SEMA3A: variants seen among roughly 807,000 people sequenced by gnomAD.
SEMA3A encodes the protein semaphorin-3A.
SEMA3A carries 29 observed loss-of-function variants against 97.9 expected under a neutral mutation model. The ratio of observed to expected loss-of-function variants is 0.30; its 90% CI spans 0.22 to 0.40. The LOEUF (loss-of-function observed/expected upper bound fraction) is 0.40. Among genes scored for constraint, SEMA3A ranks in the 10% least tolerant of loss-of-function variants. The pLI is 1.00. For missense variants in SEMA3A, 763 were observed against 951.3 expected (o/e 0.80, Z 2.60); for synonymous variants, 321 against 323.7 (o/e 0.99, Z 0.09).
At chr7:83,970,934 C>A (rs1230960493) in intron 15 of SEMA3A, among the ~76,000 whole-genome samples, 1 of 152,180 alleles carries the variant, frequency 6.6e-6, no homozygotes, top group Admixed American at 6.5e-5. Flanking sequence ...TCTCATTGGA[C>A]TCTACATGAT....
chr7:84,257,397 G>A (rs1799741204), intron 3 of SEMA3A, among the ~76,000 whole-genome samples: 1 of 151,828 alleles, frequency 6.6e-6, no homozygotes, highest in African/African-American at 2.4e-5. Context: ...TTTTCCCCAG[G>A]AGATTAGGAA....
chr7:84,174,216 G>A lies in SEMA3A; in HGVS notation c.112+20259C>T, dbSNP rs371870500. Among the ~76,000 whole-genome samples, 32 of 152,146 alleles carry A rather than the reference G, an allele frequency of 2.1e-4. 2 individuals carry two copies. The highest frequency in any genetic ancestry group is 7.7e-4 in the African/African-American group (32 of 41,508). ...ATCCCAAAACCGTTCCCCTCCACCA[G>A]CCAATCCCAGTCTGTGGACAAATTA... On this transcript the variant is annotated intron_variant, in intron 1 of 16. Coordinates refer to ENST00000265362, the MANE Select transcript of SEMA3A (RefSeq NM_006080.3).
At chr7:84,396,033 G>A (rs1447949586) in intron 1 of SEMA3A, among the ~76,000 whole-genome samples, 1 of 151,970 alleles carries the variant, frequency 6.6e-6, no homozygotes, top group Non-Finnish European at 1.5e-5. Context: ...AAATATTCAG[G>A]AGATAATTCA....
intron 2 of SEMA3A, among the ~76,000 whole-genome samples, chr7:84,369,268 C>T (rs1393679398): frequency 2.0e-5 from 3 of 150,878 alleles, no homozygotes; most frequent in Non-Finnish European, 3.0e-5. Flanking sequence ...ATCCCTAATA[C>T]ACCAAAGTGC....
In SEMA3A at chr7:83,961,421, CTT is replaced by C; in HGVS notation, c.2264_2265del (p.Lys755ArgfsTer2). The C allele has an allele frequency of 1.2e-6, 2 of 1,614,078 alleles. No individual in the cohort carries two copies. On this transcript the variant is annotated frameshift_variant, in exon 17 of 17. Coordinates refer to ENST00000265362, the MANE Select transcript of SEMA3A (RefSeq NM_006080.3). LOFTEE classifies it high-confidence loss of function. Reference sequence around the variant, plus strand: ...AATTCGTGGGTCCTCCTGTTTCTACCTTTCTTATTTTCTTGTAAGTGCTTCCA... The same window carrying C: ...AATTCGTGGGTCCTCCTGTTTCTACCTCTTATTTTCTTGTAAGTGCTTCCA... ...NKWKHLQENKKGRNRRTHEFE... is the reference protein window; with the variant it reads ...NKWKHLQENKXGRNRRTHEFE...
chr7:84,022,358 A>G (rs962264116), intron 6 of SEMA3A, among the ~76,000 whole-genome samples: 1 of 152,190 alleles, frequency 6.6e-6, no homozygotes, highest in Non-Finnish European at 1.5e-5. Context: ...GCAAGCAGAA[A>G]TGAAAAACTC....
At chr7:84,466,250 G>T (rs1805993836) in intron 1 of SEMA3A, among the ~76,000 whole-genome samples, 1 of 152,052 alleles carries the variant, frequency 6.6e-6, no homozygotes, top group African/African-American at 2.4e-5. Flanking sequence ...TCAGCTCACT[G>T]CAACCTCCGC....
intron 1 of SEMA3A, among the ~76,000 whole-genome samples, chr7:84,446,692 G>C (rs1336847470): frequency 1.3e-5 from 2 of 152,152 alleles, no homozygotes; most frequent in Non-Finnish European, 2.9e-5. Flanking sequence ...AGCACTCAAG[G>C]AATATCATAG....
At chr7:84,398,350 C>T (rs1803795472) in intron 1 of SEMA3A, among the ~76,000 whole-genome samples, 1 of 151,878 alleles carries the variant, frequency 6.6e-6, no homozygotes, top group Non-Finnish European at 1.5e-5. Context: ...AGTTTTTGTC[C>T]TGATTAATAT....
intron 3 of SEMA3A, among the ~76,000 whole-genome samples, chr7:84,274,799 G>A (rs1297764501): frequency 6.6e-6 from 1 of 151,902 alleles, no homozygotes; most frequent in East Asian, 1.9e-4. Context: ...CTTATATTGA[G>A]ACAACTGAAA....
At chr7:84,062,100 A>T (rs1299128587) in intron 4 of SEMA3A, among the ~76,000 whole-genome samples, 1 of 152,208 alleles carries the variant, frequency 6.6e-6, no homozygotes, top group African/African-American at 2.4e-5. Flanking sequence ...ACATTTTAAA[A>T]GCAGCAAAAT....
chr7:84,002,446 C>T (rs139063537), intron 11 of SEMA3A, among the ~76,000 whole-genome samples: 152 of 152,164 alleles, frequency 1.0e-3, no homozygotes, highest in African/African-American at 3.1e-3. Flanking sequence ...CTAAAAATAA[C>T]GTCAGTTTGT....
rs561597677 is a variant in SEMA3A, at chr7:84,356,342, T to G, written c.-169+15482A>C. On this transcript the variant is annotated intron_variant, in intron 2 of 3. Coordinates refer to the SEMA3A transcript ENST00000424555. ...TAAATGCAAATTAATTTTACTTTTTTTAAAGTATATCCAATAATGAAATCC... is the reference window on the plus strand; with the variant it reads ...TAAATGCAAATTAATTTTACTTTTTGTAAAGTATATCCAATAATGAAATCC... 4.6e-5 allele frequency among the ~76,000 whole-genome samples: 7 copies of G among 151,794 alleles called. No individual in the cohort carries two copies. The East Asian group carries it at 9.7e-4, about 21-fold the overall frequency.
intron 3 of SEMA3A, among the ~76,000 whole-genome samples, chr7:84,122,133 C>T (rs1327838605): frequency 6.6e-6 from 1 of 151,648 alleles, no homozygotes; most frequent in Non-Finnish European, 1.5e-5. Flanking sequence ...TTTACAGTCC[C>T]ACCAACAGTG....
intron 1 of SEMA3A, among the ~76,000 whole-genome samples, chr7:84,143,200 C>T (rs1796349081): frequency 6.6e-6 from 1 of 152,096 alleles, no homozygotes; most frequent in African/African-American, 2.4e-5. Flanking sequence ...CTACAAAACA[C>T]ATGCACTTTC....
chr7:84,488,312 G>GTA (rs1491213434), intron 1 of SEMA3A, among the ~76,000 whole-genome samples: 7 of 74,528 alleles, frequency 9.4e-5, no homozygotes, highest in Non-Finnish European at 7.7e-5. Context: ...ATGTTTCTTC[G>GTA]TATATACACA....
chr7:84,414,071 T>A (rs889334618), intron 1 of SEMA3A, among the ~76,000 whole-genome samples: 2 of 151,926 alleles, frequency 1.3e-5, no homozygotes, highest in East Asian at 1.9e-4. Context: ...ATTAATCTTA[T>A]AATAATATTT....
chr7:84,472,276 G>A (rs1022945447), intron 1 of SEMA3A, among the ~76,000 whole-genome samples: 5 of 152,018 alleles, frequency 3.3e-5, no homozygotes, highest in East Asian at 3.9e-4. Context: ...TCCCCCACTC[G>A]AACACATGCT....
chr7:84,452,007 C>G (rs1354234754), intron 1 of SEMA3A, among the ~76,000 whole-genome samples: 2 of 152,092 alleles, frequency 1.3e-5, no homozygotes, highest in Non-Finnish European at 2.9e-5. Flanking sequence ...AATTTAGTAG[C>G]AAATATTTAA....
Sources: gnomAD v4.1 joint callset for allele counts (sites outside exome capture counted in the v4.1 genomes callset) on GRCh38, gnomAD v4.1.1 for gene constraint, MANE v1.5 for transcripts, NCBI Gene and HGNC (gene_info 2026-07-23, HGNC 2026-07-21) for gene names.